Variants in WDR54 observed in about 807,000 individuals in gnomAD.
WDR54 encodes the protein WD repeat-containing protein 54.
Under a neutral mutation model 44.1 loss-of-function variants are expected in WDR54, and 44 were observed. The ratio of observed to expected loss-of-function variants is 1.00; its 90% CI spans 0.78 to 1.28. The LOEUF is 1.28. Ranked by LOEUF, WDR54 falls within the 50% of genes most tolerant of loss-of-function variation. WDR54 has a pLI of 0.00. For missense variants in WDR54, 409 were observed against 429.7 expected, an observed-to-expected ratio of 0.95 and a Z score of 0.43; for synonymous variants, 169 against 169.8, an observed-to-expected ratio of 1.00 and a Z score of 0.04.
In WDR54 at chr2:74,424,969, G is replaced by A. The variant is rs1558534836; in HGVS notation, c.629G>A (p.Gly210Glu). ...TTCACATTATTGACCCGCATTCCAGGATTTGGGTAGGTGAGGCAGAAAGGG... is the reference window on the plus strand; with the variant it reads ...TTCACATTATTGACCCGCATTCCAGAATTTGGGTAGGTGAGGCAGAAAGGG... ...PEFTLLTRIP[G>E]FGVPCPSVQL... Residue 210 changes from glycine to glutamate, a missense_variant, in exon 7 of 10, where the codon GGA becomes GAA. Transcript: ENST00000348227. 2 of 1,614,234 alleles carry A rather than the reference G, an allele frequency of 1.2e-6. No individual in the cohort carries two copies. The highest frequency in any genetic ancestry group is 1.7e-6 in the Non-Finnish European group (2 of 1,180,038).
rs1670317159 is a variant in WDR54, at chr2:74,425,159, T to C, written c.720T>C (p.Thr240=). Residue 240 remains threonine, a synonymous_variant, in exon 8 of 10, where the codon ACT becomes ACC. Coordinates refer to ENST00000348227, the MANE Select transcript of WDR54 (RefSeq NM_032118.4). ...GNGQVHLYEA[T]TGNLHVQINA... ...GACAAGTGCATCTATATGAGGCCAC[T>C]ACAGGAAATCTACATGTCCAGATCA... The C allele has an allele frequency of 6.4e-7, 1 of 1,552,742 alleles. No individual in the cohort carries two copies. Among genetic ancestry groups the C allele is most frequent in the Non-Finnish European group, 8.7e-7 (1 of 1,145,656 alleles).
In WDR54 at chr2:74,422,896, A is replaced by T; in HGVS notation, c.249A>T (p.Arg83=). Residue 83 remains arginine, a synonymous_variant, in exon 3 of 10, where the codon CGA becomes CGT. Coordinates refer to ENST00000348227, the MANE Select transcript of WDR54 (RefSeq NM_032118.4). ...TQVHWCVLPF[R]VLLVLTSHRG... Reference sequence around the variant, plus strand: ...TCCACTGGTGTGTCCTCCCCTTCCGAGTGCTGCTGGTACTCACCTCACATC... The same window carrying T: ...TCCACTGGTGTGTCCTCCCCTTCCGTGTGCTGCTGGTACTCACCTCACATC... 6.2e-7 allele frequency: 1 copy of T among 1,613,660 alleles called. No individual in the cohort carries two copies. Among genetic ancestry groups the T allele is most frequent in the South Asian group, 1.1e-5 (1 of 91,066 alleles).
At position 74,421,775 on chromosome 2, in the gene WDR54, C is replaced by CT; in HGVS notation, c.-43_-42insT. On this transcript the variant is annotated 5_prime_UTR_variant, in exon 1 of 10. Coordinates refer to ENST00000348227, the MANE Select transcript of WDR54 (RefSeq NM_032118.4). ...TATGGTGGCGGCGGATTTGGAGGGA[C>CT]CCTACGAACCAGGAGTCAGGCGAGC... 1 of 664,500 alleles carries CT rather than the reference C, an allele frequency of 1.5e-6. No homozygotes were observed. The highest frequency in any genetic ancestry group is 2.8e-6 in the Non-Finnish European group (1 of 359,930). 41.2% of individuals were successfully genotyped at this position (664,500 alleles called of 1,614,324 possible). A position where few individuals can be genotyped will look rare whatever the true frequency, so the allele number is the denominator to read the frequency against.
At position 74,421,855 on chromosome 2, in the gene WDR54, G is replaced by A. The variant is rs1444144101; in HGVS notation, c.-2+39G>A. ...TCTAGGCCGGGGGCTTCAGGGATCC[G>A]AGCCGAGGGAGAAAGCCTTGGGGGC... On this transcript the variant is annotated intron_variant, in intron 1 of 9. Transcript: ENST00000348227. 4.7e-5 allele frequency: 30 copies of A among 638,046 alleles called. No homozygotes were observed. The Middle Eastern group carries it at 7.5e-4, about 16-fold the overall frequency. The allele number at this position is 638,046 out of a possible 1,614,324, so 39.5% of individuals were successfully genotyped here. A position where few individuals can be genotyped will look rare whatever the true frequency, so the allele number is the denominator to read the frequency against.
At chr2:74,422,794 C>A (rs11685929) in intron 2 of WDR54, 76 bp from the exon 3 acceptor site, 710,117 of 1,043,286 alleles carry the variant, frequency 0.68, 205,413 homozygotes, top group African/African-American at 0.72. Flanking sequence ...CTCCGTCCCC[C>A]AAAAAAAAAA....
chr2:74,423,798 G>A, intron 5 of WDR54, 57 bp from the exon 6 acceptor site: 1 of 1,598,032 alleles, frequency 6.3e-7, no homozygotes, highest in Non-Finnish European at 8.6e-7. Context: ...TGAGTATGGT[G>A]GCTGGAGACC....
At position 74,425,188 on chromosome 2, in the gene WDR54, C is replaced by G; in HGVS notation, c.749C>G (p.Ala250Gly). The G allele has an allele frequency of 6.5e-7, 1 of 1,539,138 alleles. No homozygotes were observed. The highest frequency in any genetic ancestry group is 8.8e-7 in the Non-Finnish European group (1 of 1,140,380). The change falls in exon 8 of 10, where the codon GCC becomes GGC. Residue 250 changes from alanine (A) to glycine (G), a missense_variant. By Grantham distance (60) the Ala-to-Gly change is moderately conservative. Transcript: ENST00000348227. The part of the protein sequence containing the change: ...TTGNLHVQIN[A>G]HARAICALDL... ...GGAAATCTACATGTCCAGATCAATGCCCATGCCCGGGCCATCTGCGCCCTG... is the reference window on the plus strand; with the variant it reads ...GGAAATCTACATGTCCAGATCAATGGCCATGCCCGGGCCATCTGCGCCCTG...
At position 74,423,485 on chromosome 2, in the gene WDR54, T is replaced by C. The variant is rs376109110; in HGVS notation, c.360T>C (p.Ala120=). The C allele has an allele frequency of 3.3e-5, 53 of 1,613,814 alleles. No homozygotes were observed. The highest frequency in any genetic ancestry group is 3.8e-5 in the Non-Finnish European group (45 of 1,179,868). Residue 120 remains alanine, a synonymous_variant, in exon 5 of 10, where the codon GCT becomes GCC. Transcript: ENST00000348227. ...CTCCCCTTTCATATTCAGTACAGGC[T>C]GTGTTTGCCCGGGGAATTGCTGCCA... ...LDSGDASPVQ[A]VFARGIAASG...
Position 74,422,520 on chromosome 2 carries a change from C to T in WDR54, c.222+145C>T, listed in dbSNP as rs1257326658. On this transcript the variant is annotated intron_variant, in intron 2 of 9. Transcript: ENST00000348227. ...TCAGAATCTCCCCTCTCCTGCCGGG[C>T]GCGGTGGCTCACGCCTGTAATCCCA... 6 of 1,039,290 alleles carry T rather than the reference C, an allele frequency of 5.8e-6. No homozygotes were observed. In the African/African-American group the frequency reaches 6.5e-5, roughly 11 times the overall value. 64.4% of individuals were successfully genotyped at this position (1,039,290 alleles called of 1,614,324 possible).
In WDR54 at chr2:74,425,673, C is replaced by A. The variant is rs749481177; in HGVS notation, c.977C>A (p.Ala326Glu). The change falls in exon 10 of 10, where the codon GCG (alanine) becomes GAG (glutamate). Residue 326 changes from alanine to glutamate, a missense_variant. Physicochemically the swap from Ala to Glu is moderately radical, Grantham distance 107. Coordinates refer to ENST00000348227, the MANE Select transcript of WDR54 (RefSeq NM_032118.4). ...NSFAVTGYDL[A>E]EIRRFSSV The stretch of plus-strand genomic sequence containing the variant: ...TTTGCTGTGACTGGCTATGACCTTG[C>A]GGAGATCCGGAGATTCAGCAGTGTG... The A allele has an allele frequency of 6.2e-7, 1 of 1,614,206 alleles. No individual in the cohort carries two copies. Among genetic ancestry groups the A allele is most frequent in the Non-Finnish European group, 8.5e-7 (1 of 1,180,018 alleles).
rs1295646173 is a variant in WDR54 at position 74,423,464 on chromosome 2, C to T, written c.353-14C>T. On this transcript the variant is annotated splice_polypyrimidine_tract_variant and intron_variant, in intron 4 of 9. Coordinates refer to ENST00000348227, the MANE Select transcript of WDR54 (RefSeq NM_032118.4). ...GAGGGGATATTTCTGATCATTCTCC[C>T]CTTTCATATTCAGTACAGGCTGTGT... 1 of 1,613,792 alleles carries T rather than the reference C, an allele frequency of 6.2e-7. No homozygotes were observed. The highest frequency in any genetic ancestry group is 8.5e-7 in the Non-Finnish European group (1 of 1,179,850).
intron 6 of WDR54, 78 bp downstream of exon 6, chr2:74,424,060 T>A: frequency 6.3e-7 from 1 of 1,582,278 alleles, no homozygotes. Context: ...GTCTTGGCTC[T>A]GCCACTAAAC....
chr2:74,424,174 T>C (rs1060524), intron 6 of WDR54, among the ~76,000 whole-genome samples, 192 bp downstream of exon 6: 7,047 of 152,320 alleles, frequency 0.046, 563 homozygotes, highest in African/African-American at 0.16. Flanking sequence ...TTATAGTTAA[T>C]TAAGACTTTA....
chr2:74,425,172 C>T lies in WDR54; in HGVS notation c.733C>T (p.His245Tyr). 1 of 1,549,742 alleles carries T rather than the reference C, an allele frequency of 6.5e-7. No homozygotes were observed. The highest frequency in any genetic ancestry group is 1.4e-5 in the African/African-American group (1 of 73,504). The change falls in exon 8 of 10, where the codon CAT (histidine) becomes TAT (tyrosine). Residue 245 changes from histidine (H) to tyrosine (Y), a missense_variant. By Grantham distance (83) the His-to-Tyr change is moderately conservative. Transcript: ENST00000348227. The part of the protein sequence containing the change: ...HLYEATTGNL[H>Y]VQINAHARAI... ...ATATGAGGCCACTACAGGAAATCTA[C>T]ATGTCCAGATCAATGCCCATGCCCG...
At chr2:74,422,443 T>C in intron 2 of WDR54, 68 bp downstream of exon 2, 1 of 1,499,128 alleles carries the variant, frequency 6.7e-7, no homozygotes, top group South Asian at 1.3e-5. Context: ...TCTCCAAACC[T>C]TCAGGAGCAG....
intron 2 of WDR54, 65 bp from the exon 3 acceptor site, chr2:74,422,805 A>G: frequency 6.8e-7 from 1 of 1,461,988 alleles, no homozygotes; most frequent in Non-Finnish European, 9.4e-7. Context: ...AAAAAAAAAA[A>G]AAAAACAAAC....
At chr2:74,424,048 G>C (rs1031588944) in intron 6 of WDR54, 66 bp downstream of exon 6, 17 of 1,599,984 alleles carry the variant, frequency 1.1e-5, no homozygotes, top group African/African-American at 2.7e-5. Context: ...ACCTGGCTTT[G>C]AGTCTTGGCT....
At chr2:74,422,102 C>G (rs1392242378) in intron 1 of WDR54, 51 bp from the exon 2 acceptor site, 4 of 1,579,352 alleles carry the variant, frequency 2.5e-6, no homozygotes, top group Non-Finnish European at 3.5e-6. Flanking sequence ...CGGGCATCTC[C>G]GCTGCGTCTG....
Position 74,424,965 on chromosome 2 carries a change from C to G in WDR54, c.625C>G (p.Pro209Ala). ...GPEFTLLTRI[P>A]GFGVPCPSVQ... is the part of the protein sequence containing the mutation. Reference sequence around the variant, plus strand: ...AGAATTCACATTATTGACCCGCATTCCAGGATTTGGGTAGGTGAGGCAGAA... The same window carrying G: ...AGAATTCACATTATTGACCCGCATTGCAGGATTTGGGTAGGTGAGGCAGAA... The change falls in exon 7 of 10, where the codon CCA becomes GCA. Residue 209 changes from proline (P) to alanine (A), a missense_variant. Physicochemically the swap from Pro to Ala is conservative, Grantham distance 27. Transcript: ENST00000348227. 1 of 1,614,152 alleles carries G rather than the reference C, an allele frequency of 6.2e-7. No individual in the cohort carries two copies. The highest frequency in any genetic ancestry group is 8.5e-7 in the Non-Finnish European group (1 of 1,180,028).
Sources: gnomAD v4.1 joint callset for allele counts (sites outside exome capture counted in the v4.1 genomes callset) on GRCh38, gnomAD v4.1.1 for gene constraint, MANE v1.5 for transcripts, NCBI Gene and HGNC (gene_info 2026-07-23, HGNC 2026-07-21) for gene names.